Variants in EHBP1 observed in about 807,000 individuals in gnomAD.
EHBP1 encodes the protein EH domain binding protein 1.
EHBP1 carries 55 observed loss-of-function variants against 144.0 expected under a neutral mutation model. That is an observed-to-expected ratio of 0.38 (90% CI 0.31 to 0.48). The LOEUF (loss-of-function observed/expected upper bound fraction) is 0.48. EHBP1 is among the 20% of genes least tolerant of loss of function. EHBP1 has a pLI of 0.98. For missense variants in EHBP1, 1,200 were observed against 1,364.2 expected (o/e 0.88, Z 1.90); for synonymous variants, 469 against 472.7 (o/e 0.99, Z 0.10).
chr2:62,824,367 T>C (rs915025050), intron 5 of EHBP1, among the ~76,000 whole-genome samples: 2 of 152,008 alleles, frequency 1.3e-5, no homozygotes, highest in African/African-American at 4.8e-5. Context: ...CTATATTATA[T>C]GTAGAAATTG....
chr2:62,879,546 AACAC>A (rs70962798), intron 10 of EHBP1, among the ~76,000 whole-genome samples: 41,402 of 133,566 alleles, frequency 0.31, 6,357 homozygotes, highest in Middle Eastern at 0.37. Context: ...TATTCACAAT[AACAC>A]ACACACACAC....
At chr2:62,829,959 C>G (rs1037834589) in intron 6 of EHBP1, among the ~76,000 whole-genome samples, 10 of 150,728 alleles carry the variant, frequency 6.6e-5, no homozygotes, top group African/African-American at 9.7e-5. Flanking sequence ...AAAAGTAGAA[C>G]TACCGTCTGA....
intron 2 of EHBP1, among the ~76,000 whole-genome samples, chr2:62,721,414 TA>T (rs2036213100): frequency 6.6e-6 from 1 of 152,244 alleles, no homozygotes; most frequent in African/African-American, 2.4e-5. Context: ...GTAAAGTTAC[TA>T]TTTTACCCTT....
rs1021621118 is a variant in EHBP1 at position 62,865,043 on chromosome 2, A to G, written c.998+72A>G. 6.0e-6 allele frequency: 9 copies of G among 1,494,234 alleles called. No homozygotes were observed. The South Asian group carries it at 8.7e-5, about 14-fold the overall frequency. The allele number at this position is 1,494,234 out of a possible 1,614,324, so 92.6% of individuals were successfully genotyped here. ...ACCTAAAGAGATCCTTTTGTAATGT[A>G]CCTTTAGATGGGTACAAATCATTAA... On this transcript the variant is annotated intron_variant, in intron 9 of 22. Transcript: ENST00000431489.
intron 10 of EHBP1, among the ~76,000 whole-genome samples, chr2:62,922,973 C>T (rs1209982262): frequency 1.3e-5 from 2 of 152,178 alleles, no homozygotes; most frequent in Non-Finnish European, 2.9e-5. Flanking sequence ...ACCAGGAAAT[C>T]ATGCAGCTGC....
chr2:62,866,358 T>A (rs2050037847), intron 9 of EHBP1, among the ~76,000 whole-genome samples: 1 of 152,116 alleles, frequency 6.6e-6, no homozygotes, highest in Non-Finnish European at 1.5e-5. Context: ...CAATCAAACA[T>A]TTATCAGGCA....
chr2:62,737,782 G>A (rs2038295032), intron 2 of EHBP1, among the ~76,000 whole-genome samples: 1 of 151,726 alleles, frequency 6.6e-6, no homozygotes, highest in Non-Finnish European at 1.5e-5. Context: ...TTTTTTTTTA[G>A]AGGCAGGGTC....
intron 5 of EHBP1, among the ~76,000 whole-genome samples, chr2:62,809,345 A>G (rs1277343788): frequency 6.7e-6 from 1 of 149,718 alleles, no homozygotes; most frequent in African/African-American, 2.5e-5. Flanking sequence ...TTGTGTTTTA[A>G]AATGGTTCCT....
rs138939977 is a variant in EHBP1, at chr2:62,779,149, C to T, written c.312+7757C>T. On this transcript the variant is annotated intron_variant, in intron 5 of 22. Coordinates refer to ENST00000431489, the MANE Select transcript of EHBP1 (RefSeq NM_001142616.3). ...GAGATGGCTCAGCCTTTTTAGGGTA[C>T]GGCAGCATTTACCTTAGTATAGTCC... 1.3e-3 allele frequency among the ~76,000 whole-genome samples: 192 copies of T among 152,174 alleles called. 1 individual carries two copies. Among genetic ancestry groups the T allele is most frequent in the Non-Finnish European group, 2.3e-3 (157 of 67,990 alleles).
chr2:62,861,379 T>G (rs2049530339), intron 8 of EHBP1, among the ~76,000 whole-genome samples: 4 of 151,374 alleles, frequency 2.6e-5, no homozygotes, highest in Admixed American at 2.6e-4. Context: ...CGGCCCACCT[T>G]GGCCTCCCAA....
intron 5 of EHBP1, among the ~76,000 whole-genome samples, chr2:62,781,574 G>A (rs1400940304): frequency 2.0e-5 from 3 of 152,192 alleles, no homozygotes; most frequent in Admixed American, 2.0e-4. Flanking sequence ...AGGAGATTAA[G>A]TACTTTTGAT....
At chr2:62,777,485 G>T (rs2042127279) in intron 5 of EHBP1, among the ~76,000 whole-genome samples, 1 of 151,810 alleles carries the variant, frequency 6.6e-6, no homozygotes, top group African/African-American at 2.4e-5. Flanking sequence ...GCAGAATTTT[G>T]ATTCTGAGAT....
intron 5 of EHBP1, among the ~76,000 whole-genome samples, chr2:62,818,997 A>G (rs1473143080): frequency 6.6e-6 from 1 of 152,206 alleles, no homozygotes; most frequent in African/African-American, 2.4e-5. Context: ...CTTTCAGAGA[A>G]TGGGAAAGGA....
intron 19 of EHBP1, among the ~76,000 whole-genome samples, chr2:63,018,601 A>G (rs1481363620): frequency 1.3e-5 from 2 of 152,168 alleles, no homozygotes; most frequent in Non-Finnish European, 2.9e-5. Flanking sequence ...CCAACTTTTT[A>G]CTATATACAG....
rs2018650 is a variant in EHBP1 at position 63,045,589 on chromosome 2, T to C, written c.*89T>C. 0.13 allele frequency: 142,196 copies of C among 1,112,730 alleles called. 10,448 individuals are homozygous for C. The highest frequency in any genetic ancestry group is 0.22 in the Admixed American group (10,168 of 47,192). 68.9% of individuals were successfully genotyped at this position (1,112,730 alleles called of 1,614,324 possible). On this transcript the variant is annotated 3_prime_UTR_variant, in exon 23 of 23. Coordinates refer to ENST00000431489, the MANE Select transcript of EHBP1 (RefSeq NM_001142616.3). The surrounding 1 kb of genome is among the most constrained non-coding windows in gnomAD (Gnocchi z 5.7). ...CAGACTCATTGTTGATTTAAAACTT[T>C]TAACATTTTGTTTGGCTGGATTGTA...
intron 5 of EHBP1, among the ~76,000 whole-genome samples, chr2:62,790,843 CTT>C (rs2152452727): frequency 6.6e-6 from 1 of 152,054 alleles, no homozygotes; most frequent in Non-Finnish European, 1.5e-5. Flanking sequence ...ATTATTGTCT[CTT>C]GTGTTTTATC....
chr2:62,840,470 A>T (rs1224339717), intron 7 of EHBP1, among the ~76,000 whole-genome samples: 1 of 147,974 alleles, frequency 6.8e-6, no homozygotes, highest in African/African-American at 2.5e-5. Flanking sequence ...AATGGCAACA[A>T]AAGACAAAAT....
intron 5 of EHBP1, among the ~76,000 whole-genome samples, chr2:62,779,507 TG>T (rs556395454): frequency 9.3e-4 from 142 of 152,306 alleles, no homozygotes; most frequent in Non-Finnish European, 1.5e-3. Context: ...AAAATTCATG[TG>T]CTTATGGCTA....
chr2:62,695,273 A>C (rs1448659048), intron 1 of EHBP1, among the ~76,000 whole-genome samples: 1 of 152,164 alleles, frequency 6.6e-6, no homozygotes, highest in African/African-American at 2.4e-5. Flanking sequence ...AGGTGGGAGA[A>C]TCACTTGAGA....
Sources: gnomAD v4.1 joint callset for allele counts (sites outside exome capture counted in the v4.1 genomes callset) on GRCh38, gnomAD v4.1.1 for gene constraint, Gnocchi (gnomAD v3.1) non-coding constraint, MANE v1.5 for transcripts, NCBI Gene and HGNC (gene_info 2026-07-23, HGNC 2026-07-21) for gene names.